PCDHGB3: variants seen among roughly 807,000 people sequenced by gnomAD.
PCDHGB3 encodes protocadherin gamma-B3.
PCDHGB3 carries 40 observed loss-of-function variants against 59.2 expected under a neutral mutation model. The ratio of observed to expected loss-of-function variants is 0.68; its 90% CI spans 0.52 to 0.88. The LOEUF (loss-of-function observed/expected upper bound fraction) is 0.88, where lower values mean the gene tolerates loss of function less well. Ranked by LOEUF, PCDHGB3 falls within the 40% of genes least tolerant of loss-of-function variation. PCDHGB3 has a pLI of 0.00. For synonymous variants in PCDHGB3, 581 were observed against 503.6 expected (o/e 1.15, Z -2.06); for missense variants, 1,309 against 1,187.9 (o/e 1.10, Z -1.50).
At chr5:141,471,786 A>G (rs1043196530) in intron 1 of PCDHGB3, among the ~76,000 whole-genome samples, 6 of 152,244 alleles carry the variant, frequency 3.9e-5, no homozygotes, top group African/African-American at 1.4e-4. Flanking sequence ...ACATTATGCT[A>G]TGTCATATAA....
chr5:141,372,770 C>A lies in PCDHGB3; in HGVS notation c.2376C>A (p.Asp792Glu), dbSNP rs776185691. 1 of 1,611,252 alleles carries A rather than the reference C, an allele frequency of 6.2e-7. No individual in the cohort carries two copies. The highest frequency in any genetic ancestry group is 8.5e-7 in the Non-Finnish European group (1 of 1,178,324). Residue 792 changes from aspartate (D) to glutamate (E), a missense_variant, in exon 1 of 4, where the codon GAC becomes GAA. By Grantham distance (45) the Asp-to-Glu change is conservative. Transcript: ENST00000576222. ...CDEASWFESN[D>E]NPEMPSNSGN... is the part of the protein sequence containing the mutation. ...AAGCCTCTTGGTTTGAAAGTAATGACAATCCAGAAATGCCTTCTAATTCAG... is the reference window on the plus strand; with the variant it reads ...AAGCCTCTTGGTTTGAAAGTAATGAAAATCCAGAAATGCCTTCTAATTCAG...
In PCDHGB3 at chr5:141,372,402, G is replaced by C; in HGVS notation, c.2008G>C (p.Glu670Gln). 1 of 1,614,058 alleles carries C rather than the reference G, an allele frequency of 6.2e-7. No individual in the cohort carries two copies. The highest frequency in any genetic ancestry group is 8.5e-7 in the Non-Finnish European group (1 of 1,179,908). The stretch of plus-strand genomic sequence containing the variant: ...CCTAATCTTCGCAGATAGCTTGCAA[G>C]AGATACAACCTGACCTTAGCGACCG... The part of the protein sequence containing the change: ...LHLIFADSLQ[E>Q]IQPDLSDRPT... Residue 670 changes from glutamate (E) to glutamine (Q), a missense_variant, in exon 1 of 4, where the codon GAG becomes CAG. Glu to Gln is a conservative substitution (Grantham distance 29, BLOSUM62 2). Transcript: ENST00000576222.
intron 2 of PCDHGB3, among the ~76,000 whole-genome samples, chr5:141,496,468 C>T (rs1410143575): frequency 2.0e-5 from 3 of 152,126 alleles, no homozygotes; most frequent in Non-Finnish European, 4.4e-5. Context: ...AGTTATCTTT[C>T]CCCCATCCTG....
intron 1 of PCDHGB3, chr5:141,383,281 G>C: frequency 6.2e-7 from 1 of 1,613,922 alleles, no homozygotes; most frequent in Non-Finnish European, 8.5e-7. Context: ...AGATATTAAT[G>C]ACAACGTTCC....
At chr5:141,382,663 G>T (rs1236015442) in intron 1 of PCDHGB3, 1 of 419,258 alleles carries the variant, frequency 2.4e-6, no homozygotes, top group African/African-American at 2.0e-5. Context: ...GACTCACAGC[G>T]CCGCTGTTCA....
At chr5:141,407,649 G>A (rs541467957) in intron 1 of PCDHGB3, among the ~76,000 whole-genome samples, 1 of 152,050 alleles carries the variant, frequency 6.6e-6, no homozygotes, top group East Asian at 1.9e-4. Flanking sequence ...AAAATAATGG[G>A]GGAGCGCAGT....
intron 1 of PCDHGB3, chr5:141,420,388 A>G (rs986892784): frequency 3.1e-6 from 4 of 1,282,144 alleles, no homozygotes; most frequent in Non-Finnish European, 4.1e-6. Context: ...TTCGCAAAAT[A>G]TAGGTCAAAT....
chr5:141,464,973 TTC>T (rs2154568681), intron 1 of PCDHGB3, among the ~76,000 whole-genome samples: 1 of 152,092 alleles, frequency 6.6e-6, no homozygotes, highest in East Asian at 1.9e-4. Flanking sequence ...AACTACTGGC[TTC>T]AAGTGATCCT....
chr5:141,482,530 C>CA (rs3074545), intron 1 of PCDHGB3, among the ~76,000 whole-genome samples: 3,839 of 76,186 alleles, frequency 0.05, 137 homozygotes, highest in East Asian at 0.1. Context: ...GACAGACATG[C>CA]AAAAAAAAAA....
At chr5:141,440,696 A>G (rs2098194818) in intron 1 of PCDHGB3, 1 of 152,210 alleles carries the variant, frequency 6.6e-6, no homozygotes, top group Non-Finnish European at 1.5e-5. Flanking sequence ...AAAGTGACCA[A>G]CAGTGGAAAG....
At chr5:141,492,447 T>G (rs920078908) in intron 1 of PCDHGB3, among the ~76,000 whole-genome samples, 13 of 152,300 alleles carry the variant, frequency 8.5e-5, no homozygotes, top group Middle Eastern at 3.4e-3. Context: ...CGTAGCTGAT[T>G]GTGCGCGCCT....
In PCDHGB3 at chr5:141,371,755, A is replaced by T. The variant is rs752277488; in HGVS notation, c.1361A>T (p.Gln454Leu). The change falls in exon 1 of 4, where the codon CAG becomes CTG. Residue 454 changes from glutamine to leucine, a missense_variant. Gln to Leu is a moderately radical substitution (Grantham distance 113). Coordinates refer to ENST00000576222, the MANE Select transcript of PCDHGB3 (RefSeq NM_018924.5). ...AACGACAACGTTCCCGTTTTCCACC[A>T]GGCCTCCTACACCGTGCATGTAGCT... ...DVNDNVPVFHQASYTVHVAEN... is the reference protein window; with the variant it reads ...DVNDNVPVFHLASYTVHVAEN... 3 of 1,614,030 alleles carry T rather than the reference A, an allele frequency of 1.9e-6. No homozygotes were observed. The highest frequency in any genetic ancestry group is 1.1e-5 in the South Asian group (1 of 91,086).
chr5:141,492,829 C>T (rs2099744241), intron 1 of PCDHGB3, among the ~76,000 whole-genome samples: 1 of 152,232 alleles, frequency 6.6e-6, no homozygotes, highest in Non-Finnish European at 1.5e-5. Context: ...CGGCCCCTTC[C>T]TCCCGCAGGA....
At chr5:141,384,048 C>T in intron 1 of PCDHGB3, 2 of 1,611,890 alleles carry the variant, frequency 1.2e-6, no homozygotes, top group Non-Finnish European at 1.7e-6. Context: ...GTGAGGTGAC[C>T]TGCACCATTC....
At chr5:141,492,509 C>T (rs1276866000) in intron 1 of PCDHGB3, among the ~76,000 whole-genome samples, 1 of 152,216 alleles carries the variant, frequency 6.6e-6, no homozygotes, top group African/African-American at 2.4e-5. Context: ...CCGGAGCCTC[C>T]TCTCACCTCT....
chr5:141,497,693 C>T (rs2099778709), intron 2 of PCDHGB3, among the ~76,000 whole-genome samples: 2 of 152,136 alleles, frequency 1.3e-5, no homozygotes, highest in Admixed American at 6.5e-5. Context: ...GTGTGCACCA[C>T]CACACCCAGC....
chr5:141,423,184 C>G (rs747938944), intron 1 of PCDHGB3: 3 of 1,613,560 alleles, frequency 1.9e-6, no homozygotes, highest in Non-Finnish European at 2.5e-6. Context: ...CCACGGCCAG[C>G]CCCCTCTCTC....
At chr5:141,413,572 A>C in intron 1 of PCDHGB3, 2 of 1,613,890 alleles carry the variant, frequency 1.2e-6, no homozygotes, top group Non-Finnish European at 1.7e-6. Context: ...TATCAATGAC[A>C]ATGCTCCAAA....
At chr5:141,452,201 T>G (rs552947721) in intron 1 of PCDHGB3, among the ~76,000 whole-genome samples, 131 of 152,376 alleles carry the variant, frequency 8.6e-4, no homozygotes, top group Middle Eastern at 6.8e-3. Context: ...TTGTTTTAGA[T>G]GTTACCAATA....
Sources: gnomAD v4.1 joint callset for allele counts (sites outside exome capture counted in the v4.1 genomes callset) on GRCh38, gnomAD v4.1.1 for gene constraint, MANE v1.5 for transcripts, NCBI Gene and HGNC (gene_info 2026-07-23, HGNC 2026-07-21) for gene names.